The following FBXO38 variants were observed in gnomAD, a reference collection of about 807,000 sequenced individuals.
FBXO38 encodes F-box protein 38, also known as F-box only protein 38.
In FBXO38, 53 loss-of-function variants were observed where a neutral mutation model predicts 131.9. That is an observed-to-expected ratio of 0.40 (90% CI 0.32 to 0.51). The LOEUF (loss-of-function observed/expected upper bound fraction) is 0.51, where lower values mean the gene tolerates loss of function less well. Among genes scored for constraint, FBXO38 ranks in the 20% least tolerant of loss-of-function variants. The pLI is 0.53. For synonymous variants in FBXO38, 452 were observed against 505.6 expected (o/e 0.89, Z 1.42); for missense variants, 1,076 against 1,475.6 (o/e 0.73, Z 4.44).
In FBXO38 at chr5:148,394,911, T is replaced by C; in HGVS notation, c.128+7T>C. 1 of 1,565,698 alleles carries C rather than the reference T, an allele frequency of 6.4e-7. No individual in the cohort carries two copies. Among genetic ancestry groups the C allele is most frequent in the Non-Finnish European group, 8.7e-7 (1 of 1,155,830 alleles). On this transcript the variant is annotated splice_region_variant and intron_variant, in intron 2 of 21. Transcript: ENST00000340253. Reference sequence around the variant, plus strand: ...TACTTTGCCATATTTTTAGGTAAGATTGTGTTTGGTTGGCTTACCTGCCTG... The same window carrying C: ...TACTTTGCCATATTTTTAGGTAAGACTGTGTTTGGTTGGCTTACCTGCCTG...
chr5:148,415,955 A>G lies in FBXO38; in HGVS notation c.1292A>G (p.Asp431Gly), dbSNP rs1401681622. ...SDHSRWTRLV[D>G]INLVRCHALK... ...CACTCAAGATGGACTCGATTGGTTG[A>G]TATCAACCTAGTACGGTGCCATGCT... Residue 431 changes from aspartate (D) to glycine (G), a missense_variant, in exon 11 of 22, where the codon GAT becomes GGT. Transcript: ENST00000340253. 1 of 1,613,620 alleles carries G rather than the reference A, an allele frequency of 6.2e-7. No individual in the cohort carries two copies. Among genetic ancestry groups the G allele is most frequent in the Non-Finnish European group, 8.5e-7 (1 of 1,179,686 alleles).
chr5:148,384,256 G>C (rs2113462876), intron 1 of FBXO38, among the ~76,000 whole-genome samples: 1 of 152,274 alleles, frequency 6.6e-6, no homozygotes, highest in South Asian at 2.1e-4. Context: ...TTGCCTGCTT[G>C]TCTGAACCTG....
chr5:148,397,614 T>A lies in FBXO38; in HGVS notation c.129-1385T>A, dbSNP rs565278901. On this transcript the variant is annotated intron_variant, in intron 2 of 21. Transcript: ENST00000340253. Reference sequence around the variant, plus strand: ...GTATAATATTTGATTTAAATCATTTTAAAGGGGTAAGAAGAGGGACGAGAA... The same window carrying A: ...GTATAATATTTGATTTAAATCATTTAAAAGGGGTAAGAAGAGGGACGAGAA... The A allele has an allele frequency of 2.4e-4, 36 of 152,308 alleles. 2 individuals are homozygous for A. The highest frequency in any genetic ancestry group is 6.3e-4 in the African/African-American group (26 of 41,582). 9.4% of individuals were successfully genotyped at this position (152,308 alleles called of 1,614,324 possible).
chr5:148,402,103 T>G lies in FBXO38; in HGVS notation c.384T>G (p.Ile128Met). 6.2e-7 allele frequency: 1 copy of G among 1,613,494 alleles called. No homozygotes were observed. The highest frequency in any genetic ancestry group is 1.1e-5 in the South Asian group (1 of 91,072). ...RRVRGHEAFS[I>M]PGVLEALQAC... ...TAAGGGGCCATGAGGCTTTTAGCAT[T>G]CCAGGAGTCCTAGAAGCTTTGCAGG... The change falls in exon 4 of 22, where the codon ATT becomes ATG. Residue 128 changes from isoleucine to methionine, a missense_variant. Transcript: ENST00000340253.
At chr5:148,410,140 A>C (rs1212625580) in intron 8 of FBXO38, 1 of 152,432 alleles carries the variant, frequency 6.6e-6, no homozygotes. Flanking sequence ...GACATCTGTG[A>C]CACTTCACTA....
intron 2 of FBXO38, 93 bp downstream of exon 2, chr5:148,394,997 C>CAGCATTT (rs1456779713): frequency 1.5e-5 from 18 of 1,185,038 alleles, no homozygotes; most frequent in African/African-American, 3.2e-5. Flanking sequence ...CAGCTACATG[C>CAGCATTT]AGCATTTACA....
chr5:148,440,907 C>T lies in FBXO38; in HGVS notation c.3275-217C>T, dbSNP rs559930530. Among the ~76,000 whole-genome samples the T allele has an allele frequency of 2.0e-5, 3 of 152,246 alleles. No individual in the cohort carries two copies. The South Asian group carries it at 6.2e-4, about 32-fold the overall frequency. ...TGGGAGCCAGATGAAGATTGCTTTG[C>T]CTGTATGAGTCTTTACTATTTCTAG... On this transcript the variant is annotated intron_variant, in intron 20 of 21. Coordinates refer to ENST00000340253, the MANE Select transcript of FBXO38 (RefSeq NM_205836.3).
chr5:148,414,855 T>G (rs1487202776), intron 10 of FBXO38, among the ~76,000 whole-genome samples: 1 of 152,164 alleles, frequency 6.6e-6, no homozygotes, highest in East Asian at 1.9e-4. Context: ...CTCAGAGTAA[T>G]GTCATCTGTT....
At chr5:148,422,053 T>TG (rs1753470634) in intron 12 of FBXO38, among the ~76,000 whole-genome samples, 1 of 152,036 alleles carries the variant, frequency 6.6e-6, no homozygotes, top group Non-Finnish European at 1.5e-5. Context: ...TTCTCTTTTT[T>TG]TTTTTTTTAC....
chr5:148,400,390 G>C (rs868544542), intron 3 of FBXO38, among the ~76,000 whole-genome samples: 1 of 152,080 alleles, frequency 6.6e-6, no homozygotes, highest in African/African-American at 2.4e-5. Flanking sequence ...ATAAAGACAG[G>C]ATGGCAGAAC....
In FBXO38 at chr5:148,401,996, A is replaced by T; in HGVS notation, c.277A>T (p.Ser93Cys). 6.2e-7 allele frequency: 1 copy of T among 1,609,372 alleles called. No homozygotes were observed. The highest frequency in any genetic ancestry group is 1.3e-5 in the African/African-American group (1 of 74,938). ...GAACTTCTCAGGCTTTACAGATGCCAGTTTTCTAACACTATTAAAGAAGAT... is the reference window on the plus strand; with the variant it reads ...GAACTTCTCAGGCTTTACAGATGCCTGTTTTCTAACACTATTAAAGAAGAT... ...EYMPSGFTDA[S>C]FLTLLKKMPD... The change falls in exon 4 of 22, where the codon AGT becomes TGT. Residue 93 changes from serine to cysteine, a missense_variant. By Grantham distance (112) the Ser-to-Cys change is moderately radical (BLOSUM62 -1). Around this residue, in one of 8 missense-constraint regions of FBXO38, gnomAD observed 96 missense variants for 193.9 expected, o/e 0.50. Transcript: ENST00000340253.
At chr5:148,398,973 A>C (rs753296785) in intron 2 of FBXO38, 26 bp from the exon 3 acceptor site, 6 of 1,612,272 alleles carry the variant, frequency 3.7e-6, no homozygotes, top group Non-Finnish European at 5.1e-6. Context: ...CCACTTGATA[A>C]ATACGAGTTT....
chr5:148,399,969 G>A (rs1752050322), intron 3 of FBXO38, among the ~76,000 whole-genome samples: 1 of 151,892 alleles, frequency 6.6e-6, no homozygotes, highest in South Asian at 2.1e-4. Flanking sequence ...GGCTGGAGGA[G>A]ATAATTGTCT....
Position 148,406,403 on chromosome 5 carries a change from T to A in FBXO38, c.868+9T>A. On this transcript the variant is annotated intron_variant, in intron 7 of 21. Transcript: ENST00000340253. Reference sequence around the variant, plus strand: ...AGACAGTTGGAGATCAGGTATTCATTTTCTTTAATTACTAAATATTTTTTA... The same window carrying A: ...AGACAGTTGGAGATCAGGTATTCATATTCTTTAATTACTAAATATTTTTTA... 1 of 1,537,634 alleles carries A rather than the reference T, an allele frequency of 6.5e-7. No individual in the cohort carries two copies. Among genetic ancestry groups the A allele is most frequent in the South Asian group, 1.3e-5 (1 of 78,206 alleles).
chr5:148,385,739 G>A (rs1473548850), intron 1 of FBXO38, among the ~76,000 whole-genome samples: 2 of 152,148 alleles, frequency 1.3e-5, no homozygotes, highest in Non-Finnish European at 2.9e-5. Flanking sequence ...AGTCTATGAT[G>A]TCAATTAAGG....
At chr5:148,435,882 G>A (rs1458910079) in intron 17 of FBXO38, among the ~76,000 whole-genome samples, 2 of 152,152 alleles carry the variant, frequency 1.3e-5, no homozygotes, top group Non-Finnish European at 2.9e-5. Flanking sequence ...TTGTATCTCA[G>A]GGAGTAGGGA....
intron 2 of FBXO38, 73 bp downstream of exon 2, chr5:148,394,977 TGGTA>T (rs1758404403): frequency 2.2e-6 from 3 of 1,361,374 alleles, no homozygotes; most frequent in Non-Finnish European, 2.9e-6. Context: ...CTGTCTAATG[TGGTA>T]GCTACCAGCT....
rs996466438 is a variant in FBXO38, at chr5:148,417,839, A to G, written c.1618+635A>G. ...AGATTGTTTTGTTACCAAATTTTCC[A>G]GTTTCCCAGTTGACGCTTAGGAACT... On this transcript the variant is annotated intron_variant, in intron 12 of 21. Transcript: ENST00000340253. Among the ~76,000 whole-genome samples the G allele has an allele frequency of 2.6e-5, 4 of 152,154 alleles. No individual in the cohort carries two copies. In the East Asian group the frequency reaches 7.7e-4, roughly 29 times the overall value.
At chr5:148,406,588 T>C (rs1258145292) in intron 7 of FBXO38, among the ~76,000 whole-genome samples, 194 bp downstream of exon 7, 2 of 152,158 alleles carry the variant, frequency 1.3e-5, no homozygotes, top group Non-Finnish European at 1.5e-5. Flanking sequence ...CACATTAAAC[T>C]TTCTTAAAAT....
Sources: allele counts gnomAD v4.1 joint callset (sites outside exome capture counted in the v4.1 genomes callset), GRCh38; gene constraint gnomAD v4.1.1; regional missense constraint gnomAD v4.1.1; transcripts MANE v1.5; gene names NCBI Gene and HGNC (gene_info 2026-07-23, HGNC 2026-07-21).